Variants in SH3YL1 observed in about 807,000 individuals in gnomAD.
SH3YL1 encodes the protein SH3 and SYLF domain containing 1, also known as SH3 domain-containing YSC84-like protein 1.
Under a neutral mutation model 45.8 loss-of-function variants are expected in SH3YL1, and 41 were observed. The observed-to-expected ratio is 0.89, with a 90% CI of 0.70 to 1.16. The LOEUF is 1.16. Among genes scored for constraint, SH3YL1 ranks in the 50% most tolerant of loss-of-function variants. SH3YL1 has a pLI of 0.00. For missense variants in SH3YL1, 389 were observed against 409.6 expected, an observed-to-expected ratio of 0.95 and a Z score of 0.43; for synonymous variants, 152 against 151.4, an observed-to-expected ratio of 1.00 and a Z score of -0.03.
At chr2:255,074 G>A (rs1341376949) in intron 1 of SH3YL1, among the ~76,000 whole-genome samples, 2 of 152,160 alleles carry the variant, frequency 1.3e-5, no homozygotes, top group South Asian at 2.1e-4. Flanking sequence ...CCTTGAGCAC[G>A]TCATCAGGAC....
intron 4 of SH3YL1, chr2:240,885 C>G (rs1349096090): frequency 6.6e-6 from 1 of 152,204 alleles, no homozygotes; most frequent in Non-Finnish European, 1.5e-5. Context: ...TATCTCTAAA[C>G]AAACAGCAAG....
intron 1 of SH3YL1, among the ~76,000 whole-genome samples, chr2:257,184 T>C (rs368345307): frequency 5.3e-5 from 8 of 152,174 alleles, no homozygotes; most frequent in South Asian, 2.1e-4. Flanking sequence ...ATTCTGTAGG[T>C]TGTTTTCTCT....
chr2:238,040 C>T (rs1668382223), intron 4 of SH3YL1, among the ~76,000 whole-genome samples: 1 of 152,152 alleles, frequency 6.6e-6, no homozygotes, highest in Admixed American at 6.5e-5. Context: ...CACACCCACA[C>T]AGCTGAGTCC....
rs1307183917 is a variant in SH3YL1, at chr2:233,136, C to A, written c.498G>T (p.Gly166=). 6.3e-7 allele frequency: 1 copy of A among 1,592,594 alleles called. No homozygotes were observed. The highest frequency in any genetic ancestry group is 8.6e-7 in the Non-Finnish European group (1 of 1,167,936). The change falls in exon 6 of 10, where the codon GGG becomes GGT. Residue 166 remains glycine, a synonymous_variant. Coordinates refer to ENST00000356150, the MANE Select transcript of SH3YL1 (RefSeq NM_015677.4). The stretch of plus-strand genomic sequence containing the variant: ...TTTCTTTCCTTTCAATCAAACAGCT[C>A]CCTTCTAAAGACACGCCTGCAAAGA... ...RGLFAGVSLE[G]SCLIERKETN... is the part of the protein sequence containing the mutation.
intron 1 of SH3YL1, 74 bp from the exon 2 acceptor site, chr2:253,189 C>A: frequency 1.2e-6 from 1 of 861,218 alleles, no homozygotes; most frequent in Non-Finnish European, 1.8e-6. Context: ...TTATTTCATT[C>A]TTCTCATATA....
chr2:235,627 T>G (rs1336349799), intron 4 of SH3YL1, among the ~76,000 whole-genome samples: 6 of 23,442 alleles, frequency 2.6e-4, no homozygotes, highest in Admixed American at 6.1e-4. Context: ...GCAGCATGGG[T>G]CAGGGGAGGC....
intron 8 of SH3YL1, among the ~76,000 whole-genome samples, chr2:228,539 G>A (rs1667885845): frequency 6.6e-6 from 1 of 152,112 alleles, no homozygotes; most frequent in Non-Finnish European, 1.5e-5. Flanking sequence ...TTCTCAGTGA[G>A]GACATTTTAT....
At chr2:243,001 T>C in intron 4 of SH3YL1, 1 of 577,422 alleles carries the variant, frequency 1.7e-6, no homozygotes, top group Non-Finnish European at 2.6e-6. Context: ...TACAAGCACA[T>C]AATATCGGAG....
intron 9 of SH3YL1, among the ~76,000 whole-genome samples, chr2:224,284 T>C (rs1320700157): frequency 4.6e-5 from 7 of 152,308 alleles, no homozygotes; most frequent in South Asian, 2.1e-4. Flanking sequence ...ATTTTTACTA[T>C]GGTAAATCTT....
chr2:226,864 A>G (rs1167992146), intron 8 of SH3YL1, among the ~76,000 whole-genome samples: 1 of 151,944 alleles, frequency 6.6e-6, no homozygotes, highest in Non-Finnish European at 1.5e-5. Flanking sequence ...TCGGTAGTAT[A>G]CACGGTACAG....
At chr2:257,880 A>C (rs1459451146) in intron 1 of SH3YL1, among the ~76,000 whole-genome samples, 1 of 152,200 alleles carries the variant, frequency 6.6e-6, no homozygotes, top group Non-Finnish European at 1.5e-5. Flanking sequence ...ATGGCTGGCC[A>C]GGTATTCCAG....
chr2:259,877 T>A (rs1177255594), intron 1 of SH3YL1: 1 of 151,710 alleles, frequency 6.6e-6, no homozygotes, highest in Non-Finnish European at 1.5e-5. Flanking sequence ...GTGTCAAATA[T>A]CAAATTATAA....
chr2:230,819 C>A, intron 7 of SH3YL1: 1 of 564,432 alleles, frequency 1.8e-6, no homozygotes, highest in Non-Finnish European at 3.1e-6. Flanking sequence ...TGGAGAAATG[C>A]AATCACAGAG....
chr2:253,569 C>G (rs1277117314), intron 1 of SH3YL1, among the ~76,000 whole-genome samples: 1 of 152,216 alleles, frequency 6.6e-6, no homozygotes, highest in Non-Finnish European at 1.5e-5. Flanking sequence ...GAGAGGACCT[C>G]TCAGTTCCGG....
chr2:264,372 G>A (rs60710866), upstream of SH3YL1: 6 of 230,194 alleles, frequency 2.6e-5, no homozygotes, highest in Non-Finnish European at 4.2e-5. Flanking sequence ...ATGCGAACTC[G>A]AACGACAGGC....
Position 233,117 on chromosome 2 carries a change from T to C in SH3YL1, c.517A>G (p.Lys173Glu), listed in dbSNP as rs1453353699. 1 of 1,581,914 alleles carries C rather than the reference T, an allele frequency of 6.3e-7. No homozygotes were observed. Among genetic ancestry groups the C allele is most frequent in the Admixed American group, 1.8e-5 (1 of 54,616 alleles). Residue 173 changes from lysine (K) to glutamate (E), a missense_variant, in exon 6 of 10, where the codon AAA becomes GAA. Physicochemically the swap from Lys to Glu is moderately conservative, Grantham distance 56. Transcript: ENST00000356150. ...TGAACTGACTTTCTATTAGTTTCTT[T>C]CCTTTCAATCAAACAGCTCCCTTCT... ...SLEGSCLIERKETNRKFYCQD... is the reference protein window; with the variant it reads ...SLEGSCLIEREETNRKFYCQD...
chr2:225,205 TC>T (rs1667744081), intron 8 of SH3YL1, among the ~76,000 whole-genome samples: 1 of 152,256 alleles, frequency 6.6e-6, no homozygotes, highest in Admixed American at 6.5e-5. Context: ...AGGTTCTTCT[TC>T]AATTGCATTG....
chr2:241,074 CCAGCTAT>C (rs1668522912), intron 4 of SH3YL1: 1 of 152,038 alleles, frequency 6.6e-6, no homozygotes, highest in Admixed American at 6.5e-5. Context: ...TTCAGATGGT[CCAGCTAT>C]CAGATTTAGC....
chr2:262,646 C>T (rs1053707913), intron 1 of SH3YL1: 18 of 1,304,156 alleles, frequency 1.4e-5, no homozygotes, highest in Non-Finnish European at 1.8e-5. Flanking sequence ...AACAAGCTGG[C>T]GTGCACAGGG....
Sources: gnomAD v4.1 joint callset for allele counts (sites outside exome capture counted in the v4.1 genomes callset) on GRCh38, gnomAD v4.1.1 for gene constraint, MANE v1.5 for transcripts, NCBI Gene and HGNC (gene_info 2026-07-23, HGNC 2026-07-21) for gene names.